Variants in CNTN6 observed in about 807,000 individuals in gnomAD.
CNTN6 encodes contactin-6.
CNTN6 carries 137 observed loss-of-function variants against 122.8 expected under a neutral mutation model. The observed-to-expected ratio is 1.12, with a 90% CI of 0.97 to 1.29. The LOEUF (loss-of-function observed/expected upper bound fraction) is 1.29. Among genes scored for constraint, CNTN6 ranks in the 50% most tolerant of loss-of-function variants. The pLI, the probability that CNTN6 is intolerant of heterozygous loss-of-function variation, is 0.00. For missense variants in CNTN6, 1,634 were observed against 1,223.4 expected (o/e 1.34, Z -5.01); for synonymous variants, 570 against 426.0 (o/e 1.34, Z -4.16).
chr3:1,298,635 T>C (rs1373453279), intron 7 of CNTN6, among the ~76,000 whole-genome samples: 1 of 152,130 alleles, frequency 6.6e-6, no homozygotes, highest in Non-Finnish European at 1.5e-5. Flanking sequence ...ACAAATTTCA[T>C]TTTTGTGCCT....
intron 5 of CNTN6, among the ~76,000 whole-genome samples, chr3:1,289,142 C>T (rs1694856858): frequency 6.6e-6 from 1 of 151,534 alleles, no homozygotes; most frequent in African/African-American, 2.4e-5. Flanking sequence ...TTAAGAAAAG[C>T]CAAATGGGAA....
intron 17 of CNTN6, among the ~76,000 whole-genome samples, chr3:1,377,873 C>T (rs1229957087): frequency 6.6e-6 from 1 of 152,100 alleles, no homozygotes; most frequent in East Asian, 1.9e-4. Context: ...CTTTGGTGTG[C>T]TCTAGTTATG....
chr3:1,180,835 T>A (rs2093540771), intron 2 of CNTN6, among the ~76,000 whole-genome samples: 2 of 152,220 alleles, frequency 1.3e-5, no homozygotes, highest in South Asian at 4.1e-4. Flanking sequence ...AACGCCTCCC[T>A]CATTTGTGAG....
intron 4 of CNTN6, among the ~76,000 whole-genome samples, chr3:1,277,832 C>T (rs2125787612): frequency 6.6e-6 from 1 of 152,256 alleles, no homozygotes; most frequent in African/African-American, 2.4e-5. Flanking sequence ...AGCACTCTTT[C>T]AACTCTGAAT....
At chr3:1,390,362 T>C (rs1256593030) in intron 20 of CNTN6, among the ~76,000 whole-genome samples, 3 of 151,538 alleles carry the variant, frequency 2.0e-5, no homozygotes, top group African/African-American at 4.9e-5. Flanking sequence ...TTGAAACCAA[T>C]GAGAACAAAG....
chr3:1,367,691 C>T (rs565466075), intron 12 of CNTN6, among the ~76,000 whole-genome samples: 58 of 152,248 alleles, frequency 3.8e-4, no homozygotes, highest in African/African-American at 1.3e-3. Context: ...CATGCGTGCA[C>T]AGCAGTTGGT....
At chr3:1,272,960 C>G (rs2095050530) in intron 4 of CNTN6, among the ~76,000 whole-genome samples, 2 of 152,126 alleles carry the variant, frequency 1.3e-5, no homozygotes, top group Admixed American at 1.3e-4. Context: ...CTTGGTTGCT[C>G]CAAGAGAGAG....
chr3:1,281,526 C>G (rs2313555), intron 5 of CNTN6, among the ~76,000 whole-genome samples: 7 of 150,690 alleles, frequency 4.6e-5, no homozygotes, highest in Non-Finnish European at 4.4e-5. Context: ...GTGCAGTGGC[C>G]CCATCTCTGC....
intron 2 of CNTN6, among the ~76,000 whole-genome samples, chr3:1,209,044 G>C (rs1026680741): frequency 2.0e-5 from 3 of 152,120 alleles, no homozygotes; most frequent in Non-Finnish European, 4.4e-5. Flanking sequence ...TTAACCTAAA[G>C]AGATCAACAG....
At chr3:1,148,219 A>G (rs2092764401) in intron 2 of CNTN6, among the ~76,000 whole-genome samples, 156 bp downstream of exon 2, 1 of 152,140 alleles carries the variant, frequency 6.6e-6, no homozygotes, top group Admixed American at 6.5e-5. Flanking sequence ...TCAGACAGGG[A>G]AAGTTTAATC....
At chr3:1,385,843 C>G (rs749497813) in intron 20 of CNTN6, 46 bp downstream of exon 20, 1 of 1,465,798 alleles carries the variant, frequency 6.8e-7, no homozygotes, top group Non-Finnish European at 9.2e-7. Context: ...CTGTGAAGAG[C>G]AACCTATTCC....
intron 4 of CNTN6, among the ~76,000 whole-genome samples, chr3:1,256,920 A>C (rs960038618): frequency 9.9e-5 from 15 of 152,260 alleles, no homozygotes; most frequent in African/African-American, 3.4e-4. Flanking sequence ...TGCTGGGAAA[A>C]GTAGGTTATA....
intron 2 of CNTN6, among the ~76,000 whole-genome samples, chr3:1,190,040 C>A (rs948322771): frequency 6.6e-6 from 1 of 152,190 alleles, no homozygotes; most frequent in Non-Finnish European, 1.5e-5. Flanking sequence ...ACAGTCCTGG[C>A]AGCTGGAAGT....
intron 2 of CNTN6, among the ~76,000 whole-genome samples, chr3:1,189,101 T>C (rs2093666209): frequency 6.6e-6 from 1 of 152,194 alleles, no homozygotes; most frequent in Admixed American, 6.5e-5. Flanking sequence ...TTGATTGCCA[T>C]CTAGCTACAA....
At chr3:1,327,635 G>A in intron 10 of CNTN6, 49 bp downstream of exon 10, 1 of 1,587,246 alleles carries the variant, frequency 6.3e-7, no homozygotes, top group Non-Finnish European at 8.6e-7. Flanking sequence ...GTTTTAACAA[G>A]CTATAATTAT....
At chr3:1,110,717 A>T (rs534205670) in intron 1 of CNTN6, among the ~76,000 whole-genome samples, 1 of 152,044 alleles carries the variant, frequency 6.6e-6, no homozygotes, top group Non-Finnish European at 1.5e-5. Context: ...AGGTTTGACA[A>T]TGTTGTCAGG....
intron 7 of CNTN6, among the ~76,000 whole-genome samples, chr3:1,300,961 T>C (rs1381781254): frequency 6.6e-6 from 1 of 151,202 alleles, no homozygotes; most frequent in Non-Finnish European, 1.5e-5. Context: ...TCCATGGTGA[T>C]GGAAATAATC....
chr3:1,118,939 C>G (rs1056932889), intron 1 of CNTN6, among the ~76,000 whole-genome samples: 1 of 152,086 alleles, frequency 6.6e-6, no homozygotes, highest in Non-Finnish European at 1.5e-5. Context: ...AATGTAATCT[C>G]TGATCCATGA....
At chr3:1,373,876 T>C in intron 15 of CNTN6, 48 bp from the exon 16 acceptor site, 1 of 1,531,376 alleles carries the variant, frequency 6.5e-7, no homozygotes, top group Admixed American at 2.1e-5. Context: ...CAATTATTTG[T>C]TTTTGAGTAG....
Sources: allele counts gnomAD v4.1 joint callset (sites outside exome capture counted in the v4.1 genomes callset), GRCh38; gene constraint gnomAD v4.1.1; transcripts MANE v1.5; gene names NCBI Gene and HGNC (gene_info 2026-07-23, HGNC 2026-07-21).